Variants in CARD16 observed in about 807,000 individuals in gnomAD.
The protein encoded by CARD16 is caspase recruitment domain family member 16.
A neutral mutation model predicts 11.9 loss-of-function variants in CARD16; 8 were observed. That is an observed-to-expected ratio of 0.67 (90% confidence interval 0.39 to 1.21). CARD16 has a LOEUF of 1.21. Ranked by LOEUF, CARD16 falls within the 50% of genes most tolerant of loss-of-function variation. The pLI, the probability that CARD16 is intolerant of heterozygous loss-of-function variation, is 0.01. For missense variants in CARD16, 131 were observed against 118.1 expected (o/e 1.11, Z -0.51); for synonymous variants, 44 against 43.8 (o/e 1.00, Z -0.02).
At chr11:105,043,580 T>C in intron 2 of CARD16, 35 bp from the exon 3 acceptor site, 1 of 1,503,902 alleles carries the variant, frequency 6.6e-7, no homozygotes, top group Non-Finnish European at 9.2e-7. Context: ...AATAGCCACT[T>C]ATCATCTCTG....
At chr11:105,044,342 G>A (rs1027753526) in intron 2 of CARD16, 50 bp downstream of exon 2, 1 of 1,610,638 alleles carries the variant, frequency 6.2e-7, no homozygotes, top group African/African-American at 1.3e-5. Flanking sequence ...CAAATGTTAG[G>A]CACGAAGACA....
chr11:105,044,267 A>G, intron 2 of CARD16, 125 bp downstream of exon 2: 2 of 1,496,662 alleles, frequency 1.3e-6, no homozygotes, highest in African/African-American at 1.4e-5. Context: ...CCTCTGCTAC[A>G]GAAATATGGC....
In CARD16 at chr11:105,043,619, T is replaced by G. The variant is rs1864146755; in HGVS notation, c.275-74A>C. 7 of 973,982 alleles carry G rather than the reference T, an allele frequency of 7.2e-6. No individual in the cohort carries two copies. In the Admixed American group the frequency reaches 1.3e-4, roughly 18 times the overall value. The allele number at this position is 973,982 out of a possible 1,614,324, so 60.3% of individuals were successfully genotyped here. ...AACTTTACAGCAATGCATAAGCCAC[T>G]CCTCACTGCAAATTCCTCCCACAAC... On this transcript the variant is annotated intron_variant, in intron 2 of 3. Transcript: ENST00000673097.
chr11:105,042,809 T>C (rs1163541005), intron 3 of CARD16, among the ~76,000 whole-genome samples: 1 of 152,180 alleles, frequency 6.6e-6, no homozygotes, highest in Non-Finnish European at 1.5e-5. Flanking sequence ...GTGAAACATT[T>C]AAGAAAACAT....
At chr11:105,044,872 T>A (rs1591215862) in intron 1 of CARD16, 1 of 777,054 alleles carries the variant, frequency 1.3e-6, no homozygotes, top group East Asian at 2.6e-5. Context: ...GAGTTTACCA[T>A]TTCCACATCA....
rs1406324065 is a variant in CARD16 at position 105,041,655 on chromosome 11, C to T, written c.*108G>A. On this transcript the variant is annotated 3_prime_UTR_variant, in exon 4 of 4. Transcript: ENST00000673097. Reference sequence around the variant, plus strand: ...TTTGAGCGTCTTCTAGAAAGCAAAGCTTGATTCTGCCTTCTGGGCTTGAGC... The same window carrying T: ...TTTGAGCGTCTTCTAGAAAGCAAAGTTTGATTCTGCCTTCTGGGCTTGAGC... 1.2e-6 allele frequency: 2 copies of T among 1,613,914 alleles called. No homozygotes were observed. Among genetic ancestry groups the T allele is most frequent in the African/African-American group, 1.3e-5 (1 of 74,920 alleles).
At chr11:105,043,216 G>A (rs1864139661) in intron 3 of CARD16, among the ~76,000 whole-genome samples, 1 of 152,020 alleles carries the variant, frequency 6.6e-6, no homozygotes, top group Non-Finnish European at 1.5e-5. Flanking sequence ...AAGATGTGAG[G>A]GAATATTTCA....
At position 105,043,429 on chromosome 11, in the gene CARD16, A is replaced by C. The variant is rs536006729; in HGVS notation, c.*43+54T>G. 25 of 1,229,070 alleles carry C rather than the reference A, an allele frequency of 2.0e-5. No homozygotes were observed. In the African/African-American group the frequency reaches 3.4e-4, roughly 17 times the overall value. The allele number at this position is 1,229,070 out of a possible 1,614,324, so 76.1% of individuals were successfully genotyped here. ...CAAGCAGAGCTCATTCCACTAAATT[A>C]ATGTTAAAGAAGATGGGGTTCAAAG... On this transcript the variant is annotated intron_variant, in intron 3 of 3. Coordinates refer to ENST00000673097, the MANE Select transcript of CARD16 (RefSeq NM_052889.4).
At chr11:105,042,951 A>G (rs958856704) in intron 3 of CARD16, among the ~76,000 whole-genome samples, 1 of 152,208 alleles carries the variant, frequency 6.6e-6, no homozygotes, top group African/African-American at 2.4e-5. Context: ...AAGGAATAAG[A>G]GTTCTTTAAT....
intron 3 of CARD16, among the ~76,000 whole-genome samples, chr11:105,042,435 C>G (rs1382792952): frequency 6.6e-6 from 1 of 150,974 alleles, no homozygotes; most frequent in East Asian, 1.9e-4. Flanking sequence ...TCAACACAAT[C>G]TGACAATGTG....
Position 105,043,507 on chromosome 11 carries a change from G to T in CARD16, c.*19C>A, listed in dbSNP as rs373188276. The T allele has an allele frequency of 6.2e-7, 1 of 1,609,504 alleles. No homozygotes were observed. Among genetic ancestry groups the T allele is most frequent in the Admixed American group, 1.7e-5 (1 of 59,772 alleles). ...CCTGGGAAGGAAGAAAATAGTAATT[G>T]GGAGTCTTGTGTACTAAGCTAATTT... On this transcript the variant is annotated 3_prime_UTR_variant, in exon 3 of 4. Transcript: ENST00000673097.
intron 1 of CARD16, 165 bp downstream of exon 1, chr11:105,045,126 A>G: frequency 1.0e-6 from 1 of 992,688 alleles, no homozygotes; most frequent in South Asian, 1.4e-5. Context: ...TTCTTTCTAA[A>G]GCCTGCAAAA....
At chr11:105,043,066 C>T (rs1247041731) in intron 3 of CARD16, among the ~76,000 whole-genome samples, 2 of 151,918 alleles carry the variant, frequency 1.3e-5, no homozygotes, top group Admixed American at 6.6e-5. Context: ...GGAAGGGGGC[C>T]AAGATGAGTT....
intron 2 of CARD16, chr11:105,043,925 A>G: frequency 3.9e-6 from 1 of 256,448 alleles, no homozygotes; most frequent in Non-Finnish European, 7.5e-6. Context: ...TATTTCCTGA[A>G]CGTATCATCG....
In CARD16 at chr11:105,041,577, C is replaced by A; in HGVS notation, c.*186G>T. ...TGCCTGAAGTATATCTTTCACTCCA[C>A]TTTATTATTGTATTCTGAACATGGC... On this transcript the variant is annotated 3_prime_UTR_variant, in exon 4 of 4. Coordinates refer to ENST00000673097, the MANE Select transcript of CARD16 (RefSeq NM_052889.4). The A allele has an allele frequency of 1.2e-6, 2 of 1,614,074 alleles. No individual in the cohort carries two copies.
Position 105,041,725 on chromosome 11 carries a change from A to G in CARD16, c.*44-6T>C, listed in dbSNP as rs767400270. On this transcript the variant is annotated splice_polypyrimidine_tract_variant and splice_region_variant and intron_variant, in intron 3 of 3. Coordinates refer to ENST00000673097, the MANE Select transcript of CARD16 (RefSeq NM_052889.4). ...GTCCTGCACTGCCTGAAGAGCTGCAAGAGACAAGGAATATCATGAACAGTG... is the reference window on the plus strand; with the variant it reads ...GTCCTGCACTGCCTGAAGAGCTGCAGGAGACAAGGAATATCATGAACAGTG... 5 of 1,613,362 alleles carry G rather than the reference A, an allele frequency of 3.1e-6. No individual in the cohort carries two copies. The highest frequency in any genetic ancestry group is 4.2e-6 in the Non-Finnish European group (5 of 1,179,580).
At chr11:105,044,189 A>C in intron 2 of CARD16, 1 of 772,654 alleles carries the variant, frequency 1.3e-6, no homozygotes, top group South Asian at 1.9e-5. Flanking sequence ...ACAGAAAATG[A>C]ACTTTAATCA....
At chr11:105,043,810 G>A in intron 2 of CARD16, 1 of 391,166 alleles carries the variant, frequency 2.6e-6, no homozygotes, top group Non-Finnish European at 4.6e-6. Context: ...AGTATGATCT[G>A]CAGCTTGGCA....
At chr11:105,045,240 C>T in intron 1 of CARD16, 51 bp downstream of exon 1, 2 of 1,613,576 alleles carry the variant, frequency 1.2e-6, no homozygotes, top group Non-Finnish European at 1.7e-6. Context: ...CCAGCCCTTT[C>T]CACAACTCTT....
Sources: gnomAD v4.1 joint callset for allele counts (sites outside exome capture counted in the v4.1 genomes callset) on GRCh38, gnomAD v4.1.1 for gene constraint, MANE v1.5 for transcripts, NCBI Gene and HGNC (gene_info 2026-07-23, HGNC 2026-07-21) for gene names.